PPP2R2B: variants seen among roughly 807,000 people sequenced by gnomAD.
The protein encoded by PPP2R2B is serine/threonine-protein phosphatase 2A 55 kDa regulatory subunit B beta isoform.
Under a neutral mutation model 46.0 loss-of-function variants are expected in PPP2R2B, and 5 were observed. That is an observed-to-expected ratio of 0.11 (90% confidence interval 0.06 to 0.23). The LOEUF (loss-of-function observed/expected upper bound fraction) is 0.23. Ranked by LOEUF, PPP2R2B falls within the 10% of genes least tolerant of loss-of-function variation. The probability of loss-of-function intolerance (pLI) is 1.00; values close to 1 mark genes in which losing one functional copy is unlikely to be tolerated. For synonymous variants in PPP2R2B, 215 were observed against 206.7 expected, an observed-to-expected ratio of 1.04 and a Z score of -0.34; for missense variants, 367 against 575.0, an observed-to-expected ratio of 0.64 and a Z score of 3.70.
chr5:147,076,008 C>G (rs928944128), intron 2 of PPP2R2B, among the ~76,000 whole-genome samples: 1 of 152,034 alleles, frequency 6.6e-6, no homozygotes, highest in Non-Finnish European at 1.5e-5. Context: ...TTTTACATAT[C>G]AGGAAATAGA....
intron 5 of PPP2R2B, among the ~76,000 whole-genome samples, chr5:146,672,443 G>C (rs955433525): frequency 6.6e-6 from 1 of 152,060 alleles, no homozygotes; most frequent in Non-Finnish European, 1.5e-5. Flanking sequence ...TTTTCCTAGA[G>C]AAAGGGGTAG....
At chr5:146,638,535 G>T in intron 6 of PPP2R2B, 120 bp from the exon 7 acceptor site, 1 of 922,610 alleles carries the variant, frequency 1.1e-6, no homozygotes. Context: ...TATGCACATG[G>T]TAGATCCTCA....
rs149130682 is a variant in PPP2R2B at position 146,724,793 on chromosome 5, G to A, written c.71-23651C>T. On this transcript the variant is annotated intron_variant, in intron 2 of 9. Coordinates refer to ENST00000394411, the MANE Select transcript of PPP2R2B (RefSeq NM_181675.4). ...TGGTATACAAAAGCAAGTCTATCTG[G>A]GAGTTACATGCAAACACATTTTACC... Among the ~76,000 whole-genome samples the A allele has an allele frequency of 2.0e-5, 3 of 152,076 alleles. No homozygotes were observed. The East Asian group carries it at 5.8e-4, about 29-fold the overall frequency.
intron 2 of PPP2R2B, among the ~76,000 whole-genome samples, chr5:146,746,769 T>A (rs1753216241): frequency 6.6e-6 from 1 of 152,228 alleles, no homozygotes; most frequent in African/African-American, 2.4e-5. Flanking sequence ...CACATCTAAA[T>A]GGTGGCTATT....
intron 1 of PPP2R2B, among the ~76,000 whole-genome samples, chr5:146,966,279 AG>A (rs772086706): frequency 1.6e-4 from 25 of 152,116 alleles, no homozygotes; most frequent in Non-Finnish European, 3.2e-4. Context: ...GAAATCACGG[AG>A]GTTATGTCAG....
chr5:146,856,513 G>A (rs750688607), intron 2 of PPP2R2B: 1 of 1,601,920 alleles, frequency 6.2e-7, no homozygotes, highest in Non-Finnish European at 8.6e-7. Flanking sequence ...ATTTCCATAG[G>A]TGTTTTCATC....
intron 1 of PPP2R2B, among the ~76,000 whole-genome samples, chr5:146,979,307 C>T (rs1753057117): frequency 6.6e-6 from 1 of 152,086 alleles, no homozygotes; most frequent in Non-Finnish European, 1.5e-5. Context: ...CTTCCTTATT[C>T]ATCATTTTCT....
chr5:146,935,052 T>A (rs1764096749), intron 1 of PPP2R2B, among the ~76,000 whole-genome samples: 1 of 152,202 alleles, frequency 6.6e-6, no homozygotes, highest in Non-Finnish European at 1.5e-5. Flanking sequence ...TTTCTAGGCA[T>A]TGAAGATTCA....
chr5:146,995,766 G>A (rs1465146261), intron 1 of PPP2R2B, among the ~76,000 whole-genome samples: 1 of 152,152 alleles, frequency 6.6e-6, no homozygotes, highest in African/African-American at 2.4e-5. Context: ...ACCAGAACAG[G>A]GGAAATGTCA....
At chr5:146,640,384 G>T (rs1438001413) in intron 6 of PPP2R2B, among the ~76,000 whole-genome samples, 1 of 152,206 alleles carries the variant, frequency 6.6e-6, no homozygotes, top group African/African-American at 2.4e-5. Context: ...AAATATGATT[G>T]CAGTTAGCAT....
intron 1 of PPP2R2B, among the ~76,000 whole-genome samples, chr5:146,929,103 A>T (rs1430008153): frequency 1.3e-5 from 2 of 152,060 alleles, no homozygotes; most frequent in Non-Finnish European, 2.9e-5. Context: ...TATAATTGCA[A>T]ACCCTATCCT....
At position 146,590,198 on chromosome 5, in the gene PPP2R2B, AGTT is replaced by A; in HGVS notation, c.1078_1080del (p.Asn360del). The A allele has an allele frequency of 6.2e-7, 1 of 1,614,088 alleles. No individual in the cohort carries two copies. The highest frequency in any genetic ancestry group is 8.5e-7 in the Non-Finnish European group (1 of 1,179,996). On this transcript the variant is annotated inframe_deletion, in exon 10 of 10. Coordinates refer to ENST00000394411, the MANE Select transcript of PPP2R2B (RefSeq NM_181675.4). ...GTGTTTCTGTCGAACATCCTGAAGA[AGTT>A]GTTGTAGGAGCCTGTCATGATGACA...
At chr5:146,959,938 C>A (rs188184687) in intron 1 of PPP2R2B, among the ~76,000 whole-genome samples, 3 of 152,148 alleles carry the variant, frequency 2.0e-5, no homozygotes, top group Non-Finnish European at 2.9e-5. Flanking sequence ...ATTTCCCAAG[C>A]TAAGCATTTT....
intron 2 of PPP2R2B, among the ~76,000 whole-genome samples, chr5:146,779,516 G>A (rs1412328418): frequency 1.3e-5 from 2 of 152,152 alleles, no homozygotes; most frequent in African/African-American, 2.4e-5. Flanking sequence ...GGTTATTACC[G>A]AGGTGTAGTT....
rs1220964775 is a variant in PPP2R2B, at chr5:146,585,317, G to T, written c.*4630C>A. On this transcript the variant is annotated 3_prime_UTR_variant, in exon 10 of 10. Transcript: ENST00000394411. ...ACACACACACATAATGTATGATGGG[G>T]ATAGTGGATAAGAACTTTAACTAAA... 2 of 148,744 alleles carry T rather than the reference G, an allele frequency of 1.3e-5. No individual in the cohort carries two copies. Among genetic ancestry groups the T allele is most frequent in the African/African-American group, 5.1e-5 (2 of 39,536 alleles). 9.2% of individuals were successfully genotyped at this position (148,744 alleles called of 1,614,324 possible). A position where few individuals can be genotyped will look rare whatever the true frequency, so the allele number is the denominator to read the frequency against.
intron 5 of PPP2R2B, among the ~76,000 whole-genome samples, chr5:146,672,932 T>G (rs1232814160): frequency 3.3e-5 from 5 of 152,242 alleles, no homozygotes; most frequent in African/African-American, 1.2e-4. Flanking sequence ...GATCCTGAGA[T>G]ATGACACCAA....
intron 2 of PPP2R2B, among the ~76,000 whole-genome samples, chr5:146,725,028 A>G (rs1751770533): frequency 6.6e-6 from 1 of 151,176 alleles, no homozygotes; most frequent in African/African-American, 2.5e-5. Context: ...ATTCTAATTC[A>G]TATATACTTC....
intron 7 of PPP2R2B, among the ~76,000 whole-genome samples, chr5:146,638,036 G>A (rs1774936977): frequency 6.9e-6 from 1 of 144,168 alleles, no homozygotes; most frequent in Non-Finnish European, 1.5e-5. Context: ...TTCTGATGAG[G>A]GTCATGTCTT....
intron 7 of PPP2R2B, among the ~76,000 whole-genome samples, chr5:146,605,790 G>C (rs1466495105): frequency 6.6e-6 from 1 of 152,236 alleles, no homozygotes; most frequent in Non-Finnish European, 1.5e-5. Flanking sequence ...TTGCAGCTCA[G>C]TGTTTTTCTA....
Sources: gnomAD v4.1 joint callset for allele counts (sites outside exome capture counted in the v4.1 genomes callset) on GRCh38, gnomAD v4.1.1 for gene constraint, MANE v1.5 for transcripts, NCBI Gene and HGNC (gene_info 2026-07-23, HGNC 2026-07-21) for gene names.